The following MAML3 variants were observed in gnomAD, a reference collection of about 807,000 sequenced individuals.
MAML3 encodes mastermind like transcriptional coactivator 3.
MAML3 carries 27 observed loss-of-function variants against 101.9 expected under a neutral mutation model. The ratio of observed to expected loss-of-function variants is 0.27; its 90% CI spans 0.20 to 0.37. The LOEUF is 0.37. Among genes scored for constraint, MAML3 ranks in the 10% least tolerant of loss-of-function variants. MAML3 has a pLI of 1.00. For missense variants in MAML3, 1,316 were observed against 1,444.9 expected, an observed-to-expected ratio of 0.91 and a Z score of 1.45; for synonymous variants, 501 against 555.9, an observed-to-expected ratio of 0.90 and a Z score of 1.39.
intron 2 of MAML3, among the ~76,000 whole-genome samples, chr4:139,827,744 T>TA (rs1258268604): frequency 6.6e-6 from 1 of 152,240 alleles, no homozygotes; most frequent in Non-Finnish European, 1.5e-5. Context: ...ATAAATGACT[T>TA]ACTCTAAGCC....
intron 2 of MAML3, among the ~76,000 whole-genome samples, chr4:139,753,636 A>G (rs1729578288): frequency 6.6e-6 from 1 of 152,232 alleles, no homozygotes; most frequent in African/African-American, 2.4e-5. Context: ...CAGATCTTTT[A>G]TGCTCCTTCC....
intron 2 of MAML3, among the ~76,000 whole-genome samples, chr4:139,877,461 C>A (rs1378316616): frequency 3.3e-5 from 5 of 151,994 alleles, no homozygotes; most frequent in African/African-American, 1.2e-4. Context: ...AAAAGACTAT[C>A]TTTAGAAAGG....
chr4:139,772,043 T>G (rs1004197704), intron 2 of MAML3, among the ~76,000 whole-genome samples: 3 of 150,824 alleles, frequency 2.0e-5, no homozygotes, highest in Non-Finnish European at 3.0e-5. Flanking sequence ...ATCCAGACCA[T>G]CCTGGCTAAC....
intron 2 of MAML3, among the ~76,000 whole-genome samples, chr4:139,795,656 C>T (rs990274857): frequency 3.3e-5 from 5 of 152,218 alleles, no homozygotes; most frequent in African/African-American, 1.2e-4. Context: ...TTGGCATCAG[C>T]CTGACAAATC....
chr4:140,148,033 G>A (rs181834501), intron 1 of MAML3, among the ~76,000 whole-genome samples: 14 of 152,194 alleles, frequency 9.2e-5, no homozygotes, highest in South Asian at 4.1e-4. Flanking sequence ...GTCTCACAGC[G>A]ATATTCAGAA....
intron 1 of MAML3, among the ~76,000 whole-genome samples, chr4:140,094,103 C>T (rs569732164): frequency 2.8e-4 from 43 of 152,264 alleles, no homozygotes; most frequent in African/African-American, 5.8e-4. Context: ...GGCCTGATGA[C>T]GTAACAGGTC....
intron 2 of MAML3, among the ~76,000 whole-genome samples, chr4:139,778,382 T>A (rs996635056): frequency 1.3e-5 from 2 of 152,092 alleles, no homozygotes; most frequent in Admixed American, 1.3e-4. Flanking sequence ...TGGGGCATCA[T>A]CCTTATCAGG....
At chr4:139,784,825 C>G (rs981416919) in intron 2 of MAML3, among the ~76,000 whole-genome samples, 1 of 152,112 alleles carries the variant, frequency 6.6e-6, no homozygotes, top group Non-Finnish European at 1.5e-5. Flanking sequence ...TTGTTGTCAC[C>G]AGAGAAAGAT....
At chr4:139,885,932 CAAAAAAAAAA>C (rs1182443191) in intron 2 of MAML3, among the ~76,000 whole-genome samples, 5 of 20,304 alleles carry the variant, frequency 2.5e-4, no homozygotes, top group African/African-American at 6.6e-4. Flanking sequence ...GACTCCGTCT[CAAAAAAAAAA>C]AAAAAAAAAA....
chr4:139,818,488 T>G (rs974738080), intron 2 of MAML3, among the ~76,000 whole-genome samples: 12 of 152,216 alleles, frequency 7.9e-5, no homozygotes, highest in Admixed American at 3.9e-4. Flanking sequence ...TTCTAACTAA[T>G]TGAGGTCATA....
intron 2 of MAML3, among the ~76,000 whole-genome samples, chr4:139,816,988 T>C (rs1730903026): frequency 6.6e-6 from 1 of 152,194 alleles, no homozygotes; most frequent in Non-Finnish European, 1.5e-5. Context: ...GAGTCTACTG[T>C]GATGGTCTTC....
At position 139,785,955 on chromosome 4, in the gene MAML3, C is replaced by CA. The variant is rs1173765332; in HGVS notation, c.2080-55289dup. On this transcript the variant is annotated intron_variant, in intron 2 of 4. Transcript: ENST00000509479. This position sits in a 1 kb window ranked among gnomAD's most constrained non-coding sequence, Gnocchi z 4.3. ...TTATGGACTGAATTGTGTCTCCCACCAAAATTCATATGTTGAAGTCCTAAC... is the reference window on the plus strand; with the variant it reads ...TTATGGACTGAATTGTGTCTCCCACCAAAAATTCATATGTTGAAGTCCTAAC... Among the ~76,000 whole-genome samples, 2 of 151,982 alleles carry CA rather than the reference C, an allele frequency of 1.3e-5. No homozygotes were observed. Among genetic ancestry groups the CA allele is most frequent in the Non-Finnish European group, 2.9e-5 (2 of 68,002 alleles).
intron 1 of MAML3, among the ~76,000 whole-genome samples, chr4:140,051,595 A>G (rs1173542666): frequency 6.6e-6 from 1 of 152,036 alleles, no homozygotes. Context: ...TTCAGGAGGT[A>G]CAGCTTGTTT....
At chr4:139,938,535 A>G (rs1223571843) in intron 1 of MAML3, among the ~76,000 whole-genome samples, 1 of 152,204 alleles carries the variant, frequency 6.6e-6, no homozygotes, top group South Asian at 2.1e-4. Flanking sequence ...CACATAACAT[A>G]TCATAATAGT....
chr4:139,990,039 AAATT>A (rs1239784832), intron 1 of MAML3, among the ~76,000 whole-genome samples: 7 of 152,220 alleles, frequency 4.6e-5, no homozygotes, highest in Non-Finnish European at 7.3e-5. Flanking sequence ...GAATCAGAAG[AAATT>A]AATTGTTTTG....
chr4:139,820,089 A>C (rs952300554), intron 2 of MAML3, among the ~76,000 whole-genome samples: 5 of 152,202 alleles, frequency 3.3e-5, no homozygotes, highest in African/African-American at 1.2e-4. Context: ...TGGATATGAG[A>C]CATCTTCCAT....
chr4:140,041,007 G>A (rs767111418), intron 1 of MAML3, among the ~76,000 whole-genome samples: 185 of 151,866 alleles, frequency 1.2e-3, no homozygotes, highest in Non-Finnish European at 2.4e-3. Flanking sequence ...AGGACACCAA[G>A]GAATCATTTT....
chr4:139,825,338 A>G (rs1237747606), intron 2 of MAML3, among the ~76,000 whole-genome samples: 1 of 152,220 alleles, frequency 6.6e-6, no homozygotes, highest in Non-Finnish European at 1.5e-5. Context: ...TTTGCATGTT[A>G]AAAAGGCACA....
At chr4:139,838,237 T>A (rs1297358895) in intron 2 of MAML3, among the ~76,000 whole-genome samples, 1 of 152,204 alleles carries the variant, frequency 6.6e-6, no homozygotes, top group African/African-American at 2.4e-5. Context: ...CCAAGGCTAC[T>A]CTTAATTGTG....
Sources: gnomAD v4.1 joint callset for allele counts (sites outside exome capture counted in the v4.1 genomes callset) on GRCh38, gnomAD v4.1.1 for gene constraint, Gnocchi (gnomAD v3.1) non-coding constraint, MANE v1.5 for transcripts, NCBI Gene and HGNC (gene_info 2026-07-23, HGNC 2026-07-21) for gene names.